HECA: variants seen among roughly 807,000 people sequenced by gnomAD.
HECA encodes the protein headcase protein homolog.
A neutral mutation model predicts 37.6 loss-of-function variants in HECA; 13 were observed. That is an observed-to-expected ratio of 0.35 (90% CI 0.23 to 0.55). The LOEUF is 0.55. Among genes scored for constraint, HECA ranks in the 20% least tolerant of loss-of-function variants. The pLI is 0.90. For synonymous variants in HECA, 307 were observed against 291.5 expected (o/e 1.05, Z -0.54); for missense variants, 527 against 701.9 (o/e 0.75, Z 2.82).
In HECA at chr6:139,176,961, C is replaced by G. The variant is rs772422196; in HGVS notation, c.1488C>G (p.His496Gln). 8.0e-6 allele frequency: 7 copies of G among 872,536 alleles called. No individual in the cohort carries two copies. Among genetic ancestry groups the G allele is most frequent in the Non-Finnish European group, 1.4e-5 (7 of 501,398 alleles). 54.0% of individuals were successfully genotyped at this position (872,536 alleles called of 1,614,324 possible). A position where few individuals can be genotyped will look rare whatever the true frequency, so the allele number is the denominator to read the frequency against. ...CCCAGGCCCGCCTGAACTGTAAGCA[C>G]TGTGGGAAGCCGGTGATCGACGTGA... ...PCCQARLNCK[H>Q]CGKPVIDVRI... The change falls in exon 4 of 4, where the codon CAC (histidine) becomes CAG (glutamine). Residue 496 changes from histidine to glutamine, a missense_variant. Transcript: ENST00000367658. This position sits in a 1 kb window ranked among gnomAD's most constrained non-coding sequence, Gnocchi z 4.5.
In HECA at chr6:139,166,325, C is replaced by T; in HGVS notation, c.313C>T (p.Pro105Ser). The T allele has an allele frequency of 3.7e-6, 6 of 1,612,466 alleles. No homozygotes were observed. The highest frequency in any genetic ancestry group is 5.1e-6 in the Non-Finnish European group (6 of 1,178,812). ...ATPLICSFGR[P>S]VDLEKDDYQK... ...TCCCCTGATCTGCAGCTTCGGTAGG[C>T]CGGTGGACCTGGAGAAGGACGACTA... is the stretch of plus-strand genomic sequence containing the variant. The change falls in exon 2 of 4, where the codon CCG becomes TCG. Residue 105 changes from proline to serine, a missense_variant. This residue lies in a region of HECA where 172 missense variants were observed against 197.6 expected (regional missense o/e 0.87). Coordinates refer to ENST00000367658, the MANE Select transcript of HECA (RefSeq NM_016217.3).
chr6:139,157,738 C>T (rs1372456306), intron 1 of HECA, among the ~76,000 whole-genome samples: 1 of 152,152 alleles, frequency 6.6e-6, no homozygotes, highest in Non-Finnish European at 1.5e-5. Flanking sequence ...TGGGATGGTA[C>T]TTTCCCAGCT....
At chr6:139,151,239 G>C (rs1774646618) in intron 1 of HECA, 1 of 152,222 alleles carries the variant, frequency 6.6e-6, no homozygotes, top group Non-Finnish European at 1.5e-5. Flanking sequence ...GGAGCAGAAA[G>C]AGTGTATTTC....
chr6:139,173,501 T>C lies in HECA; in HGVS notation c.1313-884T>C, dbSNP rs190564768. Reference sequence around the variant, plus strand: ...TACTGAGTGCTGAAGACCCATAGTCTGACTGATGGCAGTGAGCAGCACATT... The same window carrying C: ...TACTGAGTGCTGAAGACCCATAGTCCGACTGATGGCAGTGAGCAGCACATT... On this transcript the variant is annotated intron_variant, in intron 2 of 3. Transcript: ENST00000367658. Among the ~76,000 whole-genome samples, 140 of 152,316 alleles carry C rather than the reference T, an allele frequency of 9.2e-4. 1 individual carries two copies. Among genetic ancestry groups the C allele is most frequent in the African/African-American group, 3.2e-3 (132 of 41,580 alleles).
At chr6:139,172,701 G>A (rs534721745) in intron 2 of HECA, among the ~76,000 whole-genome samples, 1 of 152,302 alleles carries the variant, frequency 6.6e-6, no homozygotes, top group East Asian at 1.9e-4. Flanking sequence ...CAGTGAGTTT[G>A]CCTGTAGGTT....
At chr6:139,135,790 C>T (rs1034452403) in intron 1 of HECA, 123 bp downstream of exon 1, 7 of 294,486 alleles carry the variant, frequency 2.4e-5, no homozygotes, top group East Asian at 1.7e-4. Context: ...CTCACCCCGC[C>T]CCTCCGCCCC....
Position 139,137,631 on chromosome 6 carries a change from CTT to C in HECA, c.271+1980_271+1981del, listed in dbSNP as rs34487492. Among the ~76,000 whole-genome samples the C allele has an allele frequency of 1.2e-4, 15 of 123,650 alleles. No homozygotes were observed. The South Asian group carries it at 2.1e-3, about 17-fold the overall frequency. 81.1% of individuals were successfully genotyped at this position (123,650 alleles called of 152,430 possible). A position where few individuals can be genotyped will look rare whatever the true frequency, so the allele number is the denominator to read the frequency against. On this transcript the variant is annotated intron_variant, in intron 1 of 3. Coordinates refer to ENST00000367658, the MANE Select transcript of HECA (RefSeq NM_016217.3). ...GCTCTGCCCACCCCCCTACCAGCTC[CTT>C]TTTTTTTTTTTTTTTGGCCTATGTG...
At chr6:139,173,795 T>C (rs528906002) in intron 2 of HECA, among the ~76,000 whole-genome samples, 22 of 152,212 alleles carry the variant, frequency 1.4e-4, no homozygotes, top group Non-Finnish European at 2.6e-4. Flanking sequence ...TAATAAGACA[T>C]TGAACTTCTT....
intron 1 of HECA, among the ~76,000 whole-genome samples, chr6:139,136,965 T>C (rs1023659257): frequency 6.6e-6 from 1 of 152,180 alleles, no homozygotes; most frequent in Non-Finnish European, 1.5e-5. Context: ...GGGCACCTGC[T>C]CTTACAAGCA....
At chr6:139,174,848 C>A (rs965750756) in intron 3 of HECA, among the ~76,000 whole-genome samples, 4 of 152,010 alleles carry the variant, frequency 2.6e-5, no homozygotes, top group African/African-American at 9.7e-5. Flanking sequence ...AACCTGTTAC[C>A]AGATGGTCTC....
chr6:139,151,871 G>A (rs964093732), intron 1 of HECA, among the ~76,000 whole-genome samples: 20 of 152,158 alleles, frequency 1.3e-4, no homozygotes, highest in Middle Eastern at 3.2e-3. Flanking sequence ...CTCCATATAA[G>A]CTGGCTCTGT....
intron 2 of HECA, among the ~76,000 whole-genome samples, chr6:139,173,696 C>A (rs535516501): frequency 6.6e-6 from 1 of 152,320 alleles, no homozygotes; most frequent in African/African-American, 2.4e-5. Context: ...CTTCCATATA[C>A]ACTAGGATGA....
At chr6:139,141,237 A>T (rs1438200231) in intron 1 of HECA, among the ~76,000 whole-genome samples, 1 of 152,226 alleles carries the variant, frequency 6.6e-6, no homozygotes, top group Non-Finnish European at 1.5e-5. Context: ...GATCAACATT[A>T]TTAATATTTT....
At chr6:139,159,089 A>G (rs1475527796) in intron 1 of HECA, 1 of 150,944 alleles carries the variant, frequency 6.6e-6, no homozygotes, top group East Asian at 1.9e-4. Flanking sequence ...AAAATTTTTG[A>G]AAAAAAAAAT....
At chr6:139,164,797 C>A (rs1774859766) in intron 1 of HECA, among the ~76,000 whole-genome samples, 1 of 151,424 alleles carries the variant, frequency 6.6e-6, no homozygotes, top group African/African-American at 2.4e-5. Context: ...CCCCCACCGC[C>A]CCCCACCGCT....
At chr6:139,164,296 C>T (rs1315641752) in intron 1 of HECA, among the ~76,000 whole-genome samples, 3 of 152,076 alleles carry the variant, frequency 2.0e-5, no homozygotes, top group African/African-American at 7.2e-5. Context: ...TGCTTCATGA[C>T]CAAGCCCAGT....
At position 139,174,414 on chromosome 6, in the gene HECA, G is replaced by A. The variant is rs1446355948; in HGVS notation, c.1342G>A (p.Val448Met). The A allele has an allele frequency of 2.5e-6, 4 of 1,613,836 alleles. No individual in the cohort carries two copies. Among genetic ancestry groups the A allele is most frequent in the East Asian group, 2.2e-5 (1 of 44,856 alleles). Residue 448 changes from valine to methionine, a missense_variant, in exon 3 of 4, where the codon GTG becomes ATG. By Grantham distance (21) the Val-to-Met change is conservative. Around this residue, in one of 4 missense-constraint regions of HECA, gnomAD observed 106 missense variants for 193.4 expected, o/e 0.55. Transcript: ENST00000367658. Reference protein sequence around the residue: ...GRLMHLYAVCVDCLEGVHKII... With the variant: ...GRLMHLYAVCMDCLEGVHKII... ...ACTCATGCATCTGTATGCCGTGTGC[G>A]TGGACTGCCTGGAAGGGGTTCACAA...
rs1178643191 is a variant in HECA, at chr6:139,135,383, C to T, written c.-14C>T. 12 of 1,363,076 alleles carry T rather than the reference C, an allele frequency of 8.8e-6. No individual in the cohort carries two copies. Among genetic ancestry groups the T allele is most frequent in the Admixed American group, 5.2e-5 (2 of 38,288 alleles). 84.4% of individuals were successfully genotyped at this position (1,363,076 alleles called of 1,614,324 possible). On this transcript the variant is annotated 5_prime_UTR_variant, in exon 1 of 4. The change creates a new upstream start codon in the 5' untranslated region. Coordinates refer to ENST00000367658, the MANE Select transcript of HECA (RefSeq NM_016217.3). ...CGCTGACGCCGGGCACCTACCTGGA[C>T]GCGAGCGAGCGAGATGCCCAACCCC...
intron 1 of HECA, among the ~76,000 whole-genome samples, chr6:139,155,169 A>G (rs1446342208): frequency 6.6e-6 from 1 of 152,250 alleles, no homozygotes. Context: ...AAACCTGTAC[A>G]GCAGGTTCGT....
Sources: gnomAD v4.1 joint callset for allele counts (sites outside exome capture counted in the v4.1 genomes callset) on GRCh38, gnomAD v4.1.1 for gene constraint, gnomAD v4.1.1 regional missense constraint, Gnocchi (gnomAD v3.1) non-coding constraint, MANE v1.5 for transcripts, NCBI Gene and HGNC (gene_info 2026-07-23, HGNC 2026-07-21) for gene names.